The following ARHGAP6 variants were observed in gnomAD, a reference collection of about 807,000 sequenced individuals.
The protein encoded by ARHGAP6 is Rho GTPase activating protein 6.
A neutral mutation model predicts 55.7 loss-of-function variants in ARHGAP6; 16 were observed. That is an observed-to-expected ratio of 0.29 (90% CI 0.19 to 0.44). ARHGAP6 has a LOEUF of 0.44. ARHGAP6 is among the 20% of genes least tolerant of loss of function. The pLI is 1.00. For missense variants in ARHGAP6, 698 were observed against 808.9 expected, an observed-to-expected ratio of 0.86 and a Z score of 1.66; for synonymous variants, 382 against 360.9, an observed-to-expected ratio of 1.06 and a Z score of -0.66.
At chrX:11,355,885 C>T (rs2048924620) in intron 1 of ARHGAP6, among the ~76,000 whole-genome samples, 1 of 110,665 alleles carries the variant, frequency 9.0e-6, no homozygotes, top group Non-Finnish European at 1.9e-5. Flanking sequence ...TAGCATAGTT[C>T]CCATGATAAA....
At chrX:11,296,082 C>T (rs746796533) in intron 1 of ARHGAP6, among the ~76,000 whole-genome samples, 43 of 112,071 alleles carry the variant, frequency 3.8e-4, no homozygotes, top group South Asian at 1.1e-3. Flanking sequence ...AAAAAAAGAT[C>T]GGCCTAAACG....
chrX:11,141,857 G>A (rs1435566935), intron 12 of ARHGAP6, among the ~76,000 whole-genome samples: 5 of 112,522 alleles, frequency 4.4e-5, no homozygotes, highest in African/African-American at 1.6e-4. Context: ...TCCTGAAAGT[G>A]TAACTTATTA....
intron 1 of ARHGAP6, among the ~76,000 whole-genome samples, chrX:11,631,966 G>A (rs755395450): frequency 8.9e-6 from 1 of 111,930 alleles, no homozygotes; most frequent in African/African-American, 3.2e-5. Context: ...GGGCTCATGG[G>A]CCATAGTTTA....
chrX:11,170,728 T>A (rs1307009455), intron 8 of ARHGAP6, among the ~76,000 whole-genome samples: 1 of 110,930 alleles, frequency 9.0e-6, no homozygotes, highest in Non-Finnish European at 1.9e-5. Flanking sequence ...AGGGTAAGGA[T>A]CTTGTGTTTT....
chrX:11,491,628 G>A lies in ARHGAP6; in HGVS notation c.588+172613C>T, dbSNP rs751323948. 3.1e-4 allele frequency among the ~76,000 whole-genome samples: 35 copies of A among 112,009 alleles called. No individual in the cohort carries two copies. The East Asian group carries it at 7.3e-3, about 23-fold the overall frequency. ...CAGTCTATCATTGTTGGACATTTGG[G>A]TTGGTTCCAAGTCTTTGCTATTGTG... On this transcript the variant is annotated intron_variant, in intron 1 of 12. Coordinates refer to ENST00000337414, the MANE Select transcript of ARHGAP6 (RefSeq NM_013427.3).
chrX:11,193,650 A>G (rs2046492527), intron 3 of ARHGAP6, among the ~76,000 whole-genome samples: 1 of 112,424 alleles, frequency 8.9e-6, no homozygotes, highest in Admixed American at 9.4e-5. Flanking sequence ...TTTCTTTGGA[A>G]CCACCAGGAT....
chrX:11,173,022 G>A (rs1209713855), intron 8 of ARHGAP6, among the ~76,000 whole-genome samples: 1 of 111,691 alleles, frequency 9.0e-6, no homozygotes, highest in Non-Finnish European at 1.9e-5. Flanking sequence ...CTCACTATAA[G>A]CTTAAGAAAC....
At chrX:11,579,032 G>A (rs1337271783) in intron 1 of ARHGAP6, among the ~76,000 whole-genome samples, 1 of 105,386 alleles carries the variant, frequency 9.5e-6, no homozygotes, top group Non-Finnish European at 2.0e-5. Context: ...GCCTGTCGTG[G>A]GGTGGGGGGA....
At chrX:11,404,219 C>T (rs930963517) in intron 1 of ARHGAP6, among the ~76,000 whole-genome samples, 1 of 111,212 alleles carries the variant, frequency 9.0e-6, no homozygotes, top group African/African-American at 3.3e-5. Flanking sequence ...TCTGTCTTGT[C>T]CCCCTACCAT....
chrX:11,214,284 C>T (rs989803722), intron 2 of ARHGAP6, among the ~76,000 whole-genome samples: 4 of 109,110 alleles, frequency 3.7e-5, no homozygotes, highest in Admixed American at 9.7e-5. Flanking sequence ...CACACACACA[C>T]GTGTGTGTGT....
rs555697308 is a variant in ARHGAP6 at position 11,434,435 on chromosome X, G to A, written c.589-179728C>T. ...GGGTCTCCACGCAACACTGTGTGTT[G>A]TTAAAAGGCTAACAGACTGGGTAAA... On this transcript the variant is annotated intron_variant, in intron 1 of 12. Transcript: ENST00000337414. 1.1e-3 allele frequency among the ~76,000 whole-genome samples: 118 copies of A among 111,406 alleles called. 1 individual carries two copies. The South Asian group carries it at 0.045, about 42-fold the overall frequency.
chrX:11,242,166 C>G (rs952174284), intron 2 of ARHGAP6, among the ~76,000 whole-genome samples: 10 of 111,947 alleles, frequency 8.9e-5, no homozygotes, highest in Non-Finnish European at 1.9e-4. Context: ...ACTTCTGGAT[C>G]CTCGAACCTC....
At chrX:11,287,635 C>T (rs143491390) in intron 1 of ARHGAP6, among the ~76,000 whole-genome samples, 1 of 111,559 alleles carries the variant, frequency 9.0e-6, no homozygotes, top group South Asian at 3.8e-4. Context: ...TGCCATTGCC[C>T]TTTTTCTACC....
intron 1 of ARHGAP6, among the ~76,000 whole-genome samples, chrX:11,522,838 C>G (rs1341713414): frequency 8.9e-6 from 1 of 111,774 alleles, no homozygotes; most frequent in African/African-American, 3.2e-5. Context: ...CCTTCTGAAA[C>G]TATTCCAATC....
intron 1 of ARHGAP6, among the ~76,000 whole-genome samples, chrX:11,618,818 G>A (rs1474234217): frequency 2.7e-5 from 3 of 111,820 alleles, no homozygotes; most frequent in Non-Finnish European, 5.6e-5. Context: ...ATATATCAAG[G>A]AAAAGACATT....
intron 2 of ARHGAP6, among the ~76,000 whole-genome samples, chrX:11,222,923 C>T (rs2046992369): frequency 9.0e-6 from 1 of 111,719 alleles, no homozygotes; most frequent in African/African-American, 3.2e-5. Flanking sequence ...TTTTCATCAT[C>T]TGTCAATTAA....
intron 1 of ARHGAP6, among the ~76,000 whole-genome samples, chrX:11,346,922 AAAACAAACAAACAAACAAAC>A (rs762899705): frequency 4.1e-4 from 44 of 108,358 alleles, no homozygotes; most frequent in Admixed American, 3.2e-3. Flanking sequence ...TTTCTCTTGA[AAAACAAACAAACAAACAAAC>A]AAACAAACAA....
intron 1 of ARHGAP6, among the ~76,000 whole-genome samples, chrX:11,532,282 A>G (rs1269423185): frequency 1.8e-5 from 2 of 112,976 alleles, no homozygotes; most frequent in Non-Finnish European, 3.7e-5. Flanking sequence ...GTGTAATGAT[A>G]AATACCAAGG....
chrX:11,467,630 A>G (rs929442301), intron 1 of ARHGAP6, among the ~76,000 whole-genome samples: 8 of 111,997 alleles, frequency 7.1e-5, no homozygotes, highest in Admixed American at 2.9e-4. Context: ...AACGATAAGC[A>G]AAGAATCAGA....
Sources: allele counts gnomAD v4.1 joint callset (sites outside exome capture counted in the v4.1 genomes callset), GRCh38; gene constraint gnomAD v4.1.1; transcripts MANE v1.5; gene names NCBI Gene and HGNC (gene_info 2026-07-23, HGNC 2026-07-21).